LRRK1: variants seen among roughly 807,000 people sequenced by gnomAD.
LRRK1 encodes the protein leucine rich repeat kinase 1.
In LRRK1, 113 loss-of-function variants were observed where a neutral mutation model predicts 209.1. That is an observed-to-expected ratio of 0.54 (90% CI 0.46 to 0.63). LRRK1 has a LOEUF of 0.63. LRRK1 is among the 30% of genes least tolerant of loss of function. LRRK1 has a pLI of 0.00. For missense variants in LRRK1, 2,284 were observed against 2,632.2 expected (o/e 0.87, Z 2.89); for synonymous variants, 1,144 against 1,099.7 (o/e 1.04, Z -0.80).
chr15:101,010,966 C>A, intron 9 of LRRK1, 129 bp downstream of exon 9: 1 of 763,010 alleles, frequency 1.3e-6, no homozygotes, highest in East Asian at 2.7e-5. Context: ...GGCCCGGTTC[C>A]CACATTGTAA....
chr15:101,019,319 G>A (rs757287415), intron 12 of LRRK1, among the ~76,000 whole-genome samples: 10 of 152,086 alleles, frequency 6.6e-5, no homozygotes, highest in Non-Finnish European at 8.8e-5. Context: ...TCATTATGAC[G>A]TTCTTTCATG....
chr15:100,978,653 AG>A (rs1276869602), intron 3 of LRRK1, among the ~76,000 whole-genome samples: 2 of 152,244 alleles, frequency 1.3e-5, no homozygotes, highest in African/African-American at 2.4e-5. Flanking sequence ...TGGACAACTT[AG>A]ATGAAAGGGA....
chr15:101,051,142 G>A (rs2035409694), intron 23 of LRRK1, among the ~76,000 whole-genome samples: 2 of 152,252 alleles, frequency 1.3e-5, no homozygotes, highest in South Asian at 4.1e-4. Context: ...CTTGCATGAA[G>A]CAGGCAGTTG....
chr15:100,937,633 G>A (rs1035650633), intron 2 of LRRK1, among the ~76,000 whole-genome samples: 1 of 151,466 alleles, frequency 6.6e-6, no homozygotes, highest in African/African-American at 2.4e-5. Flanking sequence ...CTCCCAGGTT[G>A]ATGCCATTCT....
intron 29 of LRRK1, among the ~76,000 whole-genome samples, chr15:101,059,607 A>G (rs1402236407): frequency 0.011 from 1,663 of 151,268 alleles, 25 homozygotes; most frequent in African/African-American, 0.038. Flanking sequence ...TGCTGGAAAC[A>G]TGAGCTAAAG....
chr15:101,058,617 C>CGGGT (rs1555479977), intron 29 of LRRK1, among the ~76,000 whole-genome samples: 1 of 75,366 alleles, frequency 1.3e-5, no homozygotes, highest in Non-Finnish European at 2.2e-5. Flanking sequence ...GAAGGGGCAA[C>CGGGT]GGGGGGGGGC....
intron 31 of LRRK1, 30 bp from the exon 32 acceptor site, chr15:101,065,322 A>G: frequency 6.2e-7 from 1 of 1,601,138 alleles, no homozygotes; most frequent in Non-Finnish European, 8.5e-7. Flanking sequence ...AAATGGAAGG[A>G]TGTGACACAT....
At chr15:101,002,874 G>A (rs1016747418) in intron 6 of LRRK1, among the ~76,000 whole-genome samples, 4 of 152,128 alleles carry the variant, frequency 2.6e-5, no homozygotes, top group Non-Finnish European at 4.4e-5. Flanking sequence ...GGGACTACAG[G>A]TGTGCACCAC....
At chr15:100,943,587 T>C (rs1414152398) in intron 2 of LRRK1, among the ~76,000 whole-genome samples, 4 of 152,032 alleles carry the variant, frequency 2.6e-5, no homozygotes, top group African/African-American at 9.6e-5. Context: ...AATTGGATCT[T>C]AGATAATGTC....
chr15:101,075,934 G>A lies in LRRK1; in HGVS notation c.*7086G>A, dbSNP rs1055809911. The A allele has an allele frequency of 3.3e-5, 5 of 152,206 alleles. No homozygotes were observed. Among genetic ancestry groups the A allele is most frequent in the African/African-American group, 9.7e-5 (4 of 41,398 alleles). The allele number at this position is 152,206 out of a possible 1,614,324, so 9.4% of individuals were successfully genotyped here. A position where few individuals can be genotyped will look rare whatever the true frequency, so the allele number is the denominator to read the frequency against. On this transcript the variant is annotated 3_prime_UTR_variant, in exon 34 of 34. Transcript: ENST00000388948. Reference sequence around the variant, plus strand: ...TTCACAGACAGCCCCCATTACATCAGTCAAGCCCAAATTTTTTCCCTATCT... The same window carrying A: ...TTCACAGACAGCCCCCATTACATCAATCAAGCCCAAATTTTTTCCCTATCT...
intron 12 of LRRK1, among the ~76,000 whole-genome samples, chr15:101,016,321 G>A (rs75616825): frequency 8.4e-4 from 126 of 149,198 alleles, no homozygotes; most frequent in African/African-American, 3.0e-3. Context: ...AGGATGCCAG[G>A]AAGAAGGCCC....
intron 6 of LRRK1, among the ~76,000 whole-genome samples, chr15:101,008,078 G>A (rs1285766178): frequency 4.1e-5 from 6 of 146,312 alleles, no homozygotes; most frequent in Non-Finnish European, 3.0e-5. Flanking sequence ...GGGAAGCGGC[G>A]GTTGCAGTGA....
chr15:100,982,494 A>G (rs759933182), intron 3 of LRRK1, among the ~76,000 whole-genome samples: 20 of 152,168 alleles, frequency 1.3e-4, no homozygotes, highest in Admixed American at 3.9e-4. Context: ...ATCCTTGTTC[A>G]TATATTAACA....
chr15:101,023,032 C>T (rs887397640), intron 15 of LRRK1, among the ~76,000 whole-genome samples: 2 of 152,044 alleles, frequency 1.3e-5, no homozygotes, highest in African/African-American at 4.8e-5. Flanking sequence ...CTCTCTGACC[C>T]CAAGGATTCA....
At chr15:100,992,858 G>A (rs2032220047) in intron 6 of LRRK1, among the ~76,000 whole-genome samples, 1 of 152,130 alleles carries the variant, frequency 6.6e-6, no homozygotes, top group Admixed American at 6.5e-5. Flanking sequence ...TAGTAGAGAT[G>A]GGATTTCACC....
chr15:100,999,467 G>A (rs1198645586), intron 6 of LRRK1, among the ~76,000 whole-genome samples: 1 of 152,198 alleles, frequency 6.6e-6, no homozygotes, highest in Non-Finnish European at 1.5e-5. Context: ...TACCTGGCCA[G>A]AGAACTTAAC....
rs918923527 is a variant in LRRK1 at position 101,072,134 on chromosome 15, G to A, written c.*3286G>A. On this transcript the variant is annotated 3_prime_UTR_variant, in exon 34 of 34. Transcript: ENST00000388948. The stretch of plus-strand genomic sequence containing the variant: ...TTTGCTGAATGGAGGGTGGATTAAC[G>A]AGGGGGTAGTTGGAGGCTACCCCTT... 6.6e-6 allele frequency: 1 copy of A among 152,184 alleles called. No individual in the cohort carries two copies. The highest frequency in any genetic ancestry group is 1.5e-5 in the Non-Finnish European group (1 of 68,020). 9.4% of individuals were successfully genotyped at this position (152,184 alleles called of 1,614,324 possible).
At chr15:101,064,473 G>T (rs372314591) in intron 31 of LRRK1, 1 of 152,930 alleles carries the variant, frequency 6.5e-6, no homozygotes, top group African/African-American at 2.4e-5. Flanking sequence ...TGCCCTGGGA[G>T]GTGCCCCGGG....
chr15:100,975,594 A>G (rs2031247177), intron 3 of LRRK1, among the ~76,000 whole-genome samples: 1 of 152,218 alleles, frequency 6.6e-6, no homozygotes, highest in Non-Finnish European at 1.5e-5. Context: ...GACTTTGAGA[A>G]GACAGTGAGG....
Sources: allele counts gnomAD v4.1 joint callset (sites outside exome capture counted in the v4.1 genomes callset), GRCh38; gene constraint gnomAD v4.1.1; transcripts MANE v1.5; gene names NCBI Gene and HGNC (gene_info 2026-07-23, HGNC 2026-07-21).